Variants in MDGA2 observed in about 807,000 individuals in gnomAD.
MDGA2 encodes the protein MAM domain containing glycosylphosphatidylinositol anchor 2.
MDGA2 carries 40 observed loss-of-function variants against 117.8 expected under a neutral mutation model. The ratio of observed to expected loss-of-function variants is 0.34; its 90% confidence interval spans 0.26 to 0.44. The LOEUF (loss-of-function observed/expected upper bound fraction) is 0.44, where lower values mean the gene tolerates loss of function less well. MDGA2 is among the 20% of genes least tolerant of loss of function. The pLI, the probability that MDGA2 is intolerant of heterozygous loss-of-function variation, is 1.00. For synonymous variants in MDGA2, 452 were observed against 439.0 expected (o/e 1.03, Z -0.37); for missense variants, 1,123 against 1,250.6 (o/e 0.90, Z 1.54).
intron 3 of MDGA2, among the ~76,000 whole-genome samples, chr14:47,196,386 T>C (rs1196210844): frequency 6.6e-6 from 1 of 152,006 alleles, no homozygotes; most frequent in Non-Finnish European, 1.5e-5. Flanking sequence ...GATGCAGAGG[T>C]TTTAAATACT....
intron 1 of MDGA2, among the ~76,000 whole-genome samples, chr14:47,380,318 AG>A (rs1891585590): frequency 6.6e-6 from 1 of 152,200 alleles, no homozygotes; most frequent in Non-Finnish European, 1.5e-5. Flanking sequence ...GAACTACAAA[AG>A]CAAGAGCAAA....
intron 1 of MDGA2, among the ~76,000 whole-genome samples, chr14:47,612,427 T>C (rs1293760074): frequency 1.3e-5 from 2 of 152,122 alleles, no homozygotes; most frequent in Admixed American, 1.3e-4. Context: ...TTCAAAATGT[T>C]TTTTTCAAAT....
At chr14:47,135,268 C>T (rs1226247188) in intron 4 of MDGA2, among the ~76,000 whole-genome samples, 1 of 151,894 alleles carries the variant, frequency 6.6e-6, no homozygotes, top group South Asian at 2.1e-4. Flanking sequence ...ATTGAATATT[C>T]TAGTTACTGA....
intron 1 of MDGA2, among the ~76,000 whole-genome samples, chr14:47,587,074 C>G (rs1338546560): frequency 6.6e-6 from 1 of 151,888 alleles, no homozygotes; most frequent in Non-Finnish European, 1.5e-5. Flanking sequence ...AAATCAAACA[C>G]TGCCTGTTCT....
chr14:46,932,907 AAGTT>A (rs1884634103), intron 9 of MDGA2, among the ~76,000 whole-genome samples: 1 of 152,114 alleles, frequency 6.6e-6, no homozygotes, highest in Non-Finnish European at 1.5e-5. Context: ...TAGAACTAAT[AAGTT>A]AGTTCAGTAA....
At chr14:47,005,014 T>C (rs1471734211) in intron 8 of MDGA2, among the ~76,000 whole-genome samples, 2 of 151,784 alleles carry the variant, frequency 1.3e-5, no homozygotes, top group Non-Finnish European at 3.0e-5. Context: ...GTAGATTCCA[T>C]TGTATTATTT....
At chr14:47,282,264 A>C (rs942847979) in intron 2 of MDGA2, among the ~76,000 whole-genome samples, 4 of 152,124 alleles carry the variant, frequency 2.6e-5, no homozygotes, top group Admixed American at 6.5e-5. Context: ...AGATACTGAT[A>C]TATTTGACAT....
chr14:47,354,674 C>A (rs1173957149), intron 1 of MDGA2, among the ~76,000 whole-genome samples: 1 of 152,114 alleles, frequency 6.6e-6, no homozygotes, highest in East Asian at 1.9e-4. Flanking sequence ...TTACTTGTTG[C>A]AAATAATAAA....
At chr14:47,292,767 T>C (rs555375325) in intron 2 of MDGA2, among the ~76,000 whole-genome samples, 2 of 152,186 alleles carry the variant, frequency 1.3e-5, no homozygotes, top group African/African-American at 4.8e-5. Flanking sequence ...TCTTCCATTA[T>C]AGCGGAAAAT....
intron 8 of MDGA2, among the ~76,000 whole-genome samples, chr14:47,006,940 T>A (rs900599811): frequency 2.6e-5 from 4 of 151,736 alleles, no homozygotes; most frequent in African/African-American, 9.7e-5. Flanking sequence ...GAGACTTAGA[T>A]AAACTTTTTG....
chr14:47,104,143 C>A (rs1178042796), intron 5 of MDGA2, among the ~76,000 whole-genome samples: 1 of 152,196 alleles, frequency 6.6e-6, no homozygotes, highest in Non-Finnish European at 1.5e-5. Context: ...CCAAAAGTTA[C>A]ATTCTTCAGT....
intron 1 of MDGA2, among the ~76,000 whole-genome samples, chr14:47,534,160 A>G (rs1286820385): frequency 6.6e-6 from 1 of 152,178 alleles, no homozygotes; most frequent in Non-Finnish European, 1.5e-5. Context: ...TGGTTAGGTA[A>G]GAGTGCTTTA....
intron 5 of MDGA2, among the ~76,000 whole-genome samples, chr14:47,125,537 A>G (rs966912570): frequency 1.3e-5 from 2 of 151,916 alleles, no homozygotes; most frequent in Non-Finnish European, 1.5e-5. Flanking sequence ...CTTGACCTCT[A>G]TCTTTTTCCA....
intron 1 of MDGA2, among the ~76,000 whole-genome samples, chr14:47,591,071 G>C (rs1474522652): frequency 6.6e-6 from 1 of 151,998 alleles, no homozygotes; most frequent in Non-Finnish European, 1.5e-5. Context: ...GCAATGAATA[G>C]AACTTTGATA....
intron 10 of MDGA2, among the ~76,000 whole-genome samples, chr14:46,906,466 C>A (rs1883497642): frequency 6.6e-6 from 1 of 151,886 alleles, no homozygotes; most frequent in African/African-American, 2.4e-5. Flanking sequence ...AAACACTGAG[C>A]CTTGTCATTG....
chr14:47,411,060 T>A (rs1224275192), intron 1 of MDGA2, among the ~76,000 whole-genome samples: 2 of 152,154 alleles, frequency 1.3e-5, no homozygotes, highest in African/African-American at 2.4e-5. Context: ...AGAATTAATC[T>A]GTTTCCTATA....
At position 47,362,918 on chromosome 14, in the gene MDGA2, C is replaced by A. The variant is rs147116550; in HGVS notation, c.281-61368G>T. Among the ~76,000 whole-genome samples the A allele has an allele frequency of 9.2e-5, 14 of 152,230 alleles. No individual in the cohort carries two copies. In the East Asian group the frequency reaches 2.7e-3, roughly 29 times the overall value. ...GTAGGAGCACTTAGAACTAGAAATG[C>A]TTGATAGTTTTTGTTTTGAATTGAA... On this transcript the variant is annotated intron_variant, in intron 1 of 16. Coordinates refer to ENST00000399232, the MANE Select transcript of MDGA2 (RefSeq NM_001113498.3).
intron 8 of MDGA2, among the ~76,000 whole-genome samples, chr14:46,970,151 T>C (rs1352737958): frequency 6.6e-6 from 1 of 151,528 alleles, no homozygotes; most frequent in Non-Finnish European, 1.5e-5. Flanking sequence ...TTCAAAGCAG[T>C]CCTTACAAAA....
At chr14:47,294,972 C>G (rs975594842) in intron 2 of MDGA2, among the ~76,000 whole-genome samples, 4 of 152,120 alleles carry the variant, frequency 2.6e-5, no homozygotes, top group Non-Finnish European at 5.9e-5. Context: ...GAATACAATT[C>G]TATTATAAAA....
Sources: allele counts gnomAD v4.1 joint callset (sites outside exome capture counted in the v4.1 genomes callset), GRCh38; gene constraint gnomAD v4.1.1; transcripts MANE v1.5; gene names NCBI Gene and HGNC (gene_info 2026-07-23, HGNC 2026-07-21).